AJAP1: variants seen among roughly 807,000 people sequenced by gnomAD.
AJAP1 encodes adherens junction-associated protein 1.
A neutral mutation model predicts 35.0 loss-of-function variants in AJAP1; 5 were observed. The observed-to-expected ratio is 0.14, with a 90% confidence interval of 0.07 to 0.30. The LOEUF (loss-of-function observed/expected upper bound fraction) is 0.30, where lower values mean the gene tolerates loss of function less well. Ranked by LOEUF, AJAP1 falls within the 10% of genes least tolerant of loss-of-function variation. The pLI is 1.00. For synonymous variants in AJAP1, 284 were observed against 249.3 expected, an observed-to-expected ratio of 1.14 and a Z score of -1.31; for missense variants, 586 against 571.0, an observed-to-expected ratio of 1.03 and a Z score of -0.27.
rs1641642489 is a variant in AJAP1 at position 4,764,709 on chromosome 1, A to G, written c.830-5144A>G. Among the ~76,000 whole-genome samples the G allele has an allele frequency of 3.3e-5, 5 of 152,220 alleles. No individual in the cohort carries two copies. The South Asian group carries it at 1.0e-3, about 32-fold the overall frequency. On this transcript the variant is annotated intron_variant, in intron 2 of 5. Coordinates refer to ENST00000378191, the MANE Select transcript of AJAP1 (RefSeq NM_018836.4). ...CTCCCGATTTCTGCATTGTGAAATCAGCTGTGATACGCACAGCAATGTCAT... is the reference window on the plus strand; with the variant it reads ...CTCCCGATTTCTGCATTGTGAAATCGGCTGTGATACGCACAGCAATGTCAT...
At chr1:4,690,181 C>T (rs557909609) in intron 1 of AJAP1, among the ~76,000 whole-genome samples, 11 of 152,134 alleles carry the variant, frequency 7.2e-5, no homozygotes, top group Admixed American at 1.3e-4. Flanking sequence ...CCAGGAGGCC[C>T]GAGGAGGGGA....
rs113925036 is a variant in AJAP1 at position 4,763,018 on chromosome 1, G to T, written c.830-6835G>T. ...TTGGAGGGAGAAGGGGTGTTAAAAG[G>T]AAACAACCAGGGATGGGCTCACACC... On this transcript the variant is annotated intron_variant, in intron 2 of 5. Coordinates refer to ENST00000378191, the MANE Select transcript of AJAP1 (RefSeq NM_018836.4). Among the ~76,000 whole-genome samples the T allele has an allele frequency of 9.6e-3, 1,453 of 151,938 alleles. 25 individuals carry two copies. The highest frequency in any genetic ancestry group is 0.033 in the African/African-American group (1,372 of 41,528).
At chr1:4,744,999 G>T (rs546717932) in intron 2 of AJAP1, among the ~76,000 whole-genome samples, 1 of 152,208 alleles carries the variant, frequency 6.6e-6, no homozygotes, top group African/African-American at 2.4e-5. Context: ...CCCTGTCCTG[G>T]GGCCAGTGGT....
In AJAP1 at chr1:4,658,243, G is replaced by A. The variant is rs958207572; in HGVS notation, c.29+2789G>A. Among the ~76,000 whole-genome samples the A allele has an allele frequency of 3.3e-5, 5 of 152,152 alleles. No individual in the cohort carries two copies. In the South Asian group the frequency reaches 6.2e-4, roughly 19 times the overall value. ...GCTCATTCCCAGCCCATGTCCCTGCGGCCATCCCATCTGTTCTCCCGCTCC... is the reference window on the plus strand; with the variant it reads ...GCTCATTCCCAGCCCATGTCCCTGCAGCCATCCCATCTGTTCTCCCGCTCC... On this transcript the variant is annotated intron_variant, in intron 1 of 5. Transcript: ENST00000378191.
chr1:4,691,928 C>G (rs1325036874), intron 1 of AJAP1, among the ~76,000 whole-genome samples: 2 of 152,084 alleles, frequency 1.3e-5, no homozygotes, highest in Non-Finnish European at 2.9e-5. Context: ...TGTCAGGGAC[C>G]TGCAGAGGGA....
chr1:4,771,140 C>T (rs1266619714), intron 3 of AJAP1, among the ~76,000 whole-genome samples: 4 of 152,258 alleles, frequency 2.6e-5, no homozygotes, highest in East Asian at 1.9e-4. Flanking sequence ...TTCTCACACT[C>T]GAGCTTATAG....
intron 1 of AJAP1, among the ~76,000 whole-genome samples, chr1:4,687,157 A>G (rs528722106): frequency 1.3e-5 from 2 of 152,140 alleles, no homozygotes; most frequent in Non-Finnish European, 2.9e-5. Context: ...TTCCATAGAC[A>G]TGGACAATAA....
chr1:4,767,397 C>G (rs924308039), intron 2 of AJAP1, among the ~76,000 whole-genome samples: 1 of 151,974 alleles, frequency 6.6e-6, no homozygotes, highest in East Asian at 1.9e-4. Context: ...CCACCATCAT[C>G]ATCGTTACCA....
intron 2 of AJAP1, among the ~76,000 whole-genome samples, chr1:4,721,960 C>T (rs549637446): frequency 1.3e-5 from 2 of 152,186 alleles, no homozygotes; most frequent in African/African-American, 2.4e-5. Context: ...TGGAGGGGTC[C>T]GGTGCTTACG....
Position 4,787,803 on chromosome 1 carries a change from G to A in AJAP1, c.*5318G>A, listed in dbSNP as rs1196239739. On this transcript the variant is annotated 3_prime_UTR_variant, in exon 6 of 6. Coordinates refer to ENST00000378191, the MANE Select transcript of AJAP1 (RefSeq NM_018836.4). ...GGCCCACGGGGCACGGGCACCTTGG[G>A]GATGCCATTCTTCTTGGTGCCAGAA... is the stretch of plus-strand genomic sequence containing the variant. 1 of 453,760 alleles carries A rather than the reference G, an allele frequency of 2.2e-6. No individual in the cohort carries two copies. The highest frequency in any genetic ancestry group is 4.4e-6 in the Non-Finnish European group (1 of 225,240). The allele number at this position is 453,760 out of a possible 1,614,324, so 28.1% of individuals were successfully genotyped here. A position where few individuals can be genotyped will look rare whatever the true frequency, so the allele number is the denominator to read the frequency against.
chr1:4,753,969 T>C (rs985976696), intron 2 of AJAP1, among the ~76,000 whole-genome samples: 1 of 152,200 alleles, frequency 6.6e-6, no homozygotes, highest in Admixed American at 6.5e-5. Flanking sequence ...TGGTTTTTGT[T>C]CGCTTGGTTC....
chr1:4,786,531 G>A lies in AJAP1; in HGVS notation c.*4046G>A, dbSNP rs1034709116. 21 of 152,146 alleles carry A rather than the reference G, an allele frequency of 1.4e-4. No homozygotes were observed. The highest frequency in any genetic ancestry group is 4.1e-4 in the African/African-American group (17 of 41,426). 9.4% of individuals were successfully genotyped at this position (152,146 alleles called of 1,614,324 possible). On this transcript the variant is annotated 3_prime_UTR_variant, in exon 6 of 6. Coordinates refer to ENST00000378191, the MANE Select transcript of AJAP1 (RefSeq NM_018836.4). ...GCGTCAGGAAAAGCCATGCTTAGAG[G>A]GATTGGTCTTCAAAATTTTGTGTGT...
intron 1 of AJAP1, among the ~76,000 whole-genome samples, chr1:4,671,617 A>G (rs10799255): frequency 0.27 from 41,082 of 151,626 alleles, 6,044 homozygotes; most frequent in South Asian, 0.5. Flanking sequence ...CACCAACTCT[A>G]GCAATTCTTC....
At chr1:4,666,708 TGCGGAGAGGGGCCTGTGAATCAC>T (rs1639131508) in intron 1 of AJAP1, among the ~76,000 whole-genome samples, 3 of 47,368 alleles carry the variant, frequency 6.3e-5, no homozygotes, top group East Asian at 6.0e-4. Flanking sequence ...GCGGGAGGGG[TGCGGAGAGGGGCCTGTGAATCAC>T]GGGAGGGGTG....
At chr1:4,683,274 A>G (rs1639528293) in intron 1 of AJAP1, among the ~76,000 whole-genome samples, 1 of 152,250 alleles carries the variant, frequency 6.6e-6, no homozygotes, top group South Asian at 2.1e-4. Context: ...GCCTGCCCAG[A>G]GTGCCCAGGG....
At position 4,780,415 on chromosome 1, in the gene AJAP1, A is replaced by C. The variant is rs1002374228; in HGVS notation, c.*60-2130A>C. On this transcript the variant is annotated intron_variant, in intron 5 of 5. Transcript: ENST00000378191. ...TTCGTCTCTACATTTTTTAACTTTCAAAAAAATTACCAAGATGGACATATA... is the reference window on the plus strand; with the variant it reads ...TTCGTCTCTACATTTTTTAACTTTCCAAAAAATTACCAAGATGGACATATA... 1.7e-4 allele frequency among the ~76,000 whole-genome samples: 26 copies of C among 151,832 alleles called. No homozygotes were observed. The East Asian group carries it at 4.9e-3, about 28-fold the overall frequency.
chr1:4,712,396 A>G lies in AJAP1; in HGVS notation c.526A>G (p.Thr176Ala). 2 of 1,577,354 alleles carry G rather than the reference A, an allele frequency of 1.3e-6. No homozygotes were observed. The highest frequency in any genetic ancestry group is 1.7e-6 in the Non-Finnish European group (2 of 1,160,828). ...SFDSRGSRPT[T>A]ETEFIAWGPT... is the part of the protein sequence containing the mutation. ...CGACTCCAGAGGCAGCCGGCCCACCACAGAGACTGAGTTCATCGCCTGGGG... is the reference window on the plus strand; with the variant it reads ...CGACTCCAGAGGCAGCCGGCCCACCGCAGAGACTGAGTTCATCGCCTGGGG... The change falls in exon 2 of 6, where the codon ACA becomes GCA. Residue 176 changes from threonine to alanine, a missense_variant. Physicochemically the swap from Thr to Ala is moderately conservative, Grantham distance 58. Transcript: ENST00000378191.
chr1:4,693,355 G>A lies in AJAP1; in HGVS notation c.30-18545G>A, dbSNP rs1639787274. 6.7e-6 allele frequency among the ~76,000 whole-genome samples: 1 copy of A among 149,810 alleles called. No homozygotes were observed. Among genetic ancestry groups the A allele is most frequent in the South Asian group, 2.1e-4 (1 of 4,688 alleles). Reference sequence around the variant, plus strand: ...GGAGGGAAGAACCCCATGGGGGACTGGGAGTCATGGAGGGCTTCCTGGAGG... The same window carrying A: ...GGAGGGAAGAACCCCATGGGGGACTAGGAGTCATGGAGGGCTTCCTGGAGG... On this transcript the variant is annotated intron_variant, in intron 1 of 5. Transcript: ENST00000378191. The surrounding 1 kb of genome is among the most constrained non-coding windows in gnomAD (Gnocchi z 4.4).
chr1:4,659,178 TTA>T (rs1201501923), intron 1 of AJAP1, among the ~76,000 whole-genome samples: 1 of 152,114 alleles, frequency 6.6e-6, no homozygotes, highest in Non-Finnish European at 1.5e-5. Flanking sequence ...CTCTCAGGGG[TTA>T]TATAAGAGTC....
Sources: allele counts gnomAD v4.1 joint callset (sites outside exome capture counted in the v4.1 genomes callset), GRCh38; gene constraint gnomAD v4.1.1; non-coding constraint Gnocchi (gnomAD v3.1); transcripts MANE v1.5; gene names NCBI Gene and HGNC (gene_info 2026-07-23, HGNC 2026-07-21).